The following KIF6 variants were observed in gnomAD, a reference collection of about 807,000 sequenced individuals.
KIF6 encodes kinesin-like protein KIF6.
In KIF6, 106 loss-of-function variants were observed where a neutral mutation model predicts 112.7. The ratio of observed to expected loss-of-function variants is 0.94; its 90% CI spans 0.80 to 1.11. The LOEUF (loss-of-function observed/expected upper bound fraction) is 1.11. Ranked by LOEUF, KIF6 falls within the 50% of genes least tolerant of loss-of-function variation. The pLI, the probability that KIF6 is intolerant of heterozygous loss-of-function variation, is 0.00. For synonymous variants in KIF6, 339 were observed against 339.9 expected, an observed-to-expected ratio of 1.00 and a Z score of 0.03; for missense variants, 929 against 964.0, an observed-to-expected ratio of 0.96 and a Z score of 0.48.
At chr6:39,347,939 G>C (rs1763936067) in intron 19 of KIF6, among the ~76,000 whole-genome samples, 1 of 152,226 alleles carries the variant, frequency 6.6e-6, no homozygotes, top group African/African-American at 2.4e-5. Context: ...CTTTCCACGA[G>C]GTGCCCTTCA....
chr6:39,564,690 T>C (rs1429120521), intron 10 of KIF6, among the ~76,000 whole-genome samples: 1 of 152,132 alleles, frequency 6.6e-6, no homozygotes, highest in Non-Finnish European at 1.5e-5. Context: ...TTGGTGTGCT[T>C]TTGCTGTAAG....
rs1469196425 is a variant in KIF6, at chr6:39,701,005, A to C, written c.251+13687T>G. Reference sequence around the variant, plus strand: ...GTGAGCCACCGCACCTAGCCTTTAAATTTAATTTTTATTTCTAAGCCTGTA... The same window carrying C: ...GTGAGCCACCGCACCTAGCCTTTAACTTTAATTTTTATTTCTAAGCCTGTA... On this transcript the variant is annotated intron_variant, in intron 3 of 22. Transcript: ENST00000287152. Among the ~76,000 whole-genome samples, 3 of 152,280 alleles carry C rather than the reference A, an allele frequency of 2.0e-5. No individual in the cohort carries two copies. In the East Asian group the frequency reaches 5.8e-4, roughly 29 times the overall value.
At chr6:39,663,264 A>C (rs562353228) in intron 3 of KIF6, among the ~76,000 whole-genome samples, 1 of 152,272 alleles carries the variant, frequency 6.6e-6, no homozygotes, top group African/African-American at 2.4e-5. Context: ...GATACAAGGA[A>C]ATTTAAATTT....
intron 3 of KIF6, among the ~76,000 whole-genome samples, chr6:39,711,277 TA>T (rs34784345): frequency 0.028 from 2,046 of 72,872 alleles, 13 homozygotes; most frequent in East Asian, 0.048. Flanking sequence ...ACCTGGAAAG[TA>T]AAAAAAAAAA....
intron 10 of KIF6, among the ~76,000 whole-genome samples, chr6:39,566,553 C>T (rs892406762): frequency 6.6e-6 from 1 of 152,094 alleles, no homozygotes; most frequent in Non-Finnish European, 1.5e-5. Context: ...TTTGTTTAGC[C>T]TTTTAGATAA....
At chr6:39,347,942 G>T (rs1562116140) in intron 19 of KIF6, among the ~76,000 whole-genome samples, 2 of 152,242 alleles carry the variant, frequency 1.3e-5, no homozygotes, top group Admixed American at 6.5e-5. Context: ...TCCACGAGGT[G>T]CCCTTCATGG....
chr6:39,555,953 CAAA>C (rs35420944), intron 10 of KIF6, among the ~76,000 whole-genome samples: 2 of 77,688 alleles, frequency 2.6e-5, no homozygotes, highest in Admixed American at 1.5e-4. Context: ...GACGCTGTCT[CAAA>C]AAAAAAAAAA....
At chr6:39,611,775 T>C (rs1382863473) in intron 6 of KIF6, among the ~76,000 whole-genome samples, 1 of 152,216 alleles carries the variant, frequency 6.6e-6, no homozygotes, top group African/African-American at 2.4e-5. Context: ...TAGTGGAGCA[T>C]GCTAAATCCT....
chr6:39,523,906 G>A (rs1196931715), intron 13 of KIF6, among the ~76,000 whole-genome samples: 1 of 151,560 alleles, frequency 6.6e-6, no homozygotes, highest in Non-Finnish European at 1.5e-5. Context: ...ACAGTGTCTG[G>A]TACCTAGCTT....
intron 3 of KIF6, among the ~76,000 whole-genome samples, chr6:39,711,848 T>C (rs1170831217): frequency 6.6e-6 from 1 of 152,150 alleles, no homozygotes; most frequent in Non-Finnish European, 1.5e-5. Flanking sequence ...TGTAGAGGTA[T>C]AGGAGAGGCA....
intron 3 of KIF6, among the ~76,000 whole-genome samples, chr6:39,708,205 C>T (rs1405474716): frequency 2.0e-5 from 3 of 151,702 alleles, no homozygotes; most frequent in Non-Finnish European, 4.4e-5. Flanking sequence ...TGTGGTACTG[C>T]CCCCTGCCAT....
intron 8 of KIF6, 42 bp from the exon 9 acceptor site, chr6:39,585,026 G>C (rs1277831106): frequency 2.8e-6 from 3 of 1,077,404 alleles, no homozygotes; most frequent in Non-Finnish European, 2.8e-6. Flanking sequence ...ATGGCATAGA[G>C]AGATATTTCT....
intron 3 of KIF6, among the ~76,000 whole-genome samples, chr6:39,657,571 T>C (rs940386119): frequency 2.6e-5 from 4 of 152,226 alleles, no homozygotes; most frequent in African/African-American, 4.8e-5. Context: ...AATTACATAA[T>C]TGTTTCTCTG....
intron 13 of KIF6, among the ~76,000 whole-genome samples, chr6:39,434,235 A>T (rs1205709846): frequency 6.6e-6 from 1 of 152,046 alleles, no homozygotes; most frequent in African/African-American, 2.4e-5. Context: ...TTGATTCTTG[A>T]TTTAAAGAAT....
chr6:39,338,202 G>A (rs1763134419), intron 22 of KIF6, among the ~76,000 whole-genome samples: 1 of 152,252 alleles, frequency 6.6e-6, no homozygotes, highest in Non-Finnish European at 1.5e-5. Flanking sequence ...AGAGCCTGAG[G>A]GGTGAGGCTG....
intron 19 of KIF6, among the ~76,000 whole-genome samples, chr6:39,349,652 T>TTTTTTTTTTTTTTTTTTTTTTTTTG: frequency 8.5e-6 from 1 of 117,418 alleles, no homozygotes; most frequent in African/African-American, 4.1e-5. Context: ...TTTTTTTTTT[T>TTTTTTTTTTTTTTTTTTTTTTTTTG]TTTTTTTTTG....
At chr6:39,681,476 A>T (rs140042605) in intron 3 of KIF6, among the ~76,000 whole-genome samples, 29 of 151,476 alleles carry the variant, frequency 1.9e-4, no homozygotes, top group East Asian at 3.9e-4. Flanking sequence ...TTAATGTTTT[A>T]AAAAAAAACT....
chr6:39,431,016 G>T, intron 14 of KIF6, 37 bp downstream of exon 14: 1 of 1,332,612 alleles, frequency 7.5e-7, no homozygotes, highest in Non-Finnish European at 1.1e-6. Flanking sequence ...GCCTGGCTGA[G>T]CCTCGGAGGA....
At position 39,610,500 on chromosome 6, in the gene KIF6, G is replaced by A. The variant is rs76801120; in HGVS notation, c.639+2689C>T. ...GTGTAAATGGGAAATTGGGAACTTC[G>A]TTTTTTAAAAAAATGATTCGTTTGT... On this transcript the variant is annotated intron_variant, in intron 6 of 22. Transcript: ENST00000287152. Among the ~76,000 whole-genome samples, 297 of 152,266 alleles carry A rather than the reference G, an allele frequency of 2.0e-3. 1 individual carries two copies. Among genetic ancestry groups the A allele is most frequent in the African/African-American group, 6.8e-3 (282 of 41,548 alleles).
Sources: gnomAD v4.1 joint callset for allele counts (sites outside exome capture counted in the v4.1 genomes callset) on GRCh38, gnomAD v4.1.1 for gene constraint, MANE v1.5 for transcripts, NCBI Gene and HGNC (gene_info 2026-07-23, HGNC 2026-07-21) for gene names.